The following SETD5 variants were observed in gnomAD, a reference collection of about 807,000 sequenced individuals.
The protein encoded by SETD5 is SET domain containing 5.
In SETD5, 44 loss-of-function variants were observed where a neutral mutation model predicts 153.3. That is an observed-to-expected ratio of 0.29 (90% CI 0.23 to 0.37). The LOEUF (loss-of-function observed/expected upper bound fraction) is 0.37. Among genes scored for constraint, SETD5 ranks in the 10% least tolerant of loss-of-function variants. SETD5 has a pLI of 1.00. For synonymous variants in SETD5, 716 were observed against 645.2 expected, an observed-to-expected ratio of 1.11 and a Z score of -1.66; for missense variants, 1,544 against 1,768.0, an observed-to-expected ratio of 0.87 and a Z score of 2.27.
At chr3:9,431,237 A>G (rs972060668) in intron 3 of SETD5, 6 of 985,464 alleles carry the variant, frequency 6.1e-6, no homozygotes, top group Non-Finnish European at 4.8e-6. Flanking sequence ...CAACTCTACC[A>G]TAACAGAATT....
chr3:9,398,059 C>T (rs555877048), intron 1 of SETD5, 82 bp downstream of exon 1: 7 of 152,298 alleles, frequency 4.6e-5, no homozygotes, highest in African/African-American at 1.7e-4. Context: ...TCTCCCCGCG[C>T]TCGCTCTCCT....
intron 1 of SETD5, among the ~76,000 whole-genome samples, chr3:9,400,900 A>G (rs2034662947): frequency 6.6e-6 from 1 of 152,144 alleles, no homozygotes; most frequent in South Asian, 2.1e-4. Context: ...AAAAACTTGA[A>G]GGAGAACCAC....
intron 18 of SETD5, among the ~76,000 whole-genome samples, chr3:9,468,796 T>TTG (rs141755513): frequency 2.0e-4 from 30 of 150,642 alleles, no homozygotes; most frequent in South Asian, 1.1e-3. Flanking sequence ...GCGTGTGTGT[T>TTG]TGTGTGTGTG....
chr3:9,430,258 T>G (rs1230359783), intron 3 of SETD5: 1 of 984,734 alleles, frequency 1.0e-6, no homozygotes, highest in African/African-American at 1.7e-5. Flanking sequence ...CTTACCTGTT[T>G]ACTGAGTTCC....
intron 1 of SETD5, among the ~76,000 whole-genome samples, chr3:9,404,426 T>C (rs1309222057): frequency 1.3e-5 from 2 of 152,254 alleles, no homozygotes; most frequent in Non-Finnish European, 2.9e-5. Context: ...TAATTAATTA[T>C]TATTGTAATT....
Position 9,448,117 on chromosome 3 carries a change from A to G in SETD5, c.2103+111A>G, listed in dbSNP as rs1474065095. 2.3e-6 allele frequency: 3 copies of G among 1,282,014 alleles called. No individual in the cohort carries two copies. The South Asian group carries it at 4.7e-5, about 20-fold the overall frequency. 79.4% of individuals were successfully genotyped at this position (1,282,014 alleles called of 1,614,324 possible). On this transcript the variant is annotated intron_variant, in intron 15 of 22. Transcript: ENST00000402198. The stretch of plus-strand genomic sequence containing the variant: ...CTAATCTCAATATTACTAGATTGAA[A>G]GTTCTAAAATGCTTTGACACAAAAG...
intron 16 of SETD5, among the ~76,000 whole-genome samples, chr3:9,450,515 T>G (rs2042493861): frequency 6.6e-6 from 1 of 152,242 alleles, no homozygotes; most frequent in African/African-American, 2.4e-5. Flanking sequence ...ATGGAATGTT[T>G]TAGCTAGAAT....
At chr3:9,474,123 A>G (rs969468110) in intron 20 of SETD5, among the ~76,000 whole-genome samples, 15 of 152,236 alleles carry the variant, frequency 9.9e-5, no homozygotes, top group African/African-American at 3.6e-4. Flanking sequence ...TCATTAATCT[A>G]TGAAACCTTT....
At chr3:9,405,998 C>T (rs143515139) in intron 1 of SETD5, among the ~76,000 whole-genome samples, 103 of 152,234 alleles carry the variant, frequency 6.8e-4, no homozygotes, top group African/African-American at 2.4e-3. Flanking sequence ...TCTTGGTATC[C>T]AAGGAAGGTT....
intron 1 of SETD5, among the ~76,000 whole-genome samples, chr3:9,417,057 G>A (rs1448029694): frequency 6.6e-6 from 1 of 152,100 alleles, no homozygotes; most frequent in African/African-American, 2.4e-5. Flanking sequence ...AGGCACAGGA[G>A]TTTGGACTAG....
At chr3:9,466,540 G>C (rs1275457806) in intron 18 of SETD5, among the ~76,000 whole-genome samples, 1 of 151,934 alleles carries the variant, frequency 6.6e-6, no homozygotes, top group East Asian at 1.9e-4. Flanking sequence ...TCCAAGGCAT[G>C]GTTTCACTTG....
At position 9,475,763 on chromosome 3, in the gene SETD5, A is replaced by G. The variant is rs768710187; in HGVS notation, c.4001A>G (p.Asn1334Ser). ...QPHSGNSTGSNLPRRSCPSSA... is the reference protein window; with the variant it reads ...QPHSGNSTGSSLPRRSCPSSA... The stretch of plus-strand genomic sequence containing the variant: ...CATTCTGGAAACAGCACTGGCAGCA[A>G]TCTTCCAAGGAGGAGCTGCCCTTCT... The change falls in exon 23 of 23, where the codon AAT (asparagine) becomes AGT (serine). Residue 1334 changes from asparagine (N) to serine (S), a missense_variant. By Grantham distance (46) the Asn-to-Ser change is conservative (BLOSUM62 1). Coordinates refer to ENST00000402198, the MANE Select transcript of SETD5 (RefSeq NM_001080517.3). The G allele has an allele frequency of 1.5e-5, 25 of 1,613,812 alleles. No homozygotes were observed. In the South Asian group the frequency reaches 1.9e-4, roughly 12 times the overall value.
Position 9,445,965 on chromosome 3 carries a change from G to GTTTTTTTT in SETD5, c.1524+241_1524+248dup, listed in dbSNP as rs376821559. 1.4e-4 allele frequency among the ~76,000 whole-genome samples: 12 copies of GTTTTTTTT among 86,460 alleles called. 1 individual carries two copies. The highest frequency in any genetic ancestry group is 4.7e-4 in the African/African-American group (10 of 21,380). The allele number at this position is 86,460 out of a possible 152,430, so 56.7% of individuals were successfully genotyped here. On this transcript the variant is annotated intron_variant, in intron 13 of 22. Transcript: ENST00000402198. The stretch of plus-strand genomic sequence containing the variant: ...TATCTAGTGATGGTTTGAAGAGGTT[G>GTTTTTTTT]TTTTTTTTTTTTTTTTTTTTTTTAC...
In SETD5 at chr3:9,412,408, T is replaced by G. The variant is rs1031388812; in HGVS notation, c.-176-12059T>G. 1.3e-4 allele frequency among the ~76,000 whole-genome samples: 18 copies of G among 143,688 alleles called. 1 individual carries two copies. The highest frequency in any genetic ancestry group is 4.1e-4 in the African/African-American group (16 of 39,086). 94.3% of individuals were successfully genotyped at this position (143,688 alleles called of 152,430 possible). On this transcript the variant is annotated intron_variant, in intron 1 of 22. Transcript: ENST00000402198. ...TTGGGTTTTTTTTTTTTTTTTTTTT[T>G]TTTTTTTTTAAAGAGACAAGGTCCT...
chr3:9,464,617 C>T lies in SETD5; in HGVS notation c.2669C>T (p.Ser890Leu), dbSNP rs1490187847. Reference sequence around the variant, plus strand: ...CGAAATGGATACAGCCTCATGTTTTCACCAGTCACATCTCTTACTACTGCT... The same window carrying T: ...CGAAATGGATACAGCCTCATGTTTTTACCAGTCACATCTCTTACTACTGCT... Reference protein sequence around the residue: ...ECRNGYSLMFSPVTSLTTASR... With the variant: ...ECRNGYSLMFLPVTSLTTASR... The change falls in exon 18 of 23, where the codon TCA becomes TTA. Residue 890 changes from serine to leucine, a missense_variant. Ser to Leu is a moderately radical substitution (Grantham distance 145, BLOSUM62 -2). Around this residue, in one of 9 missense-constraint regions of SETD5, gnomAD observed 782 missense variants for 787.2 expected, o/e 0.99. Transcript: ENST00000402198. The T allele has an allele frequency of 6.2e-7, 1 of 1,614,018 alleles. No homozygotes were observed. The highest frequency in any genetic ancestry group is 8.5e-7 in the Non-Finnish European group (1 of 1,179,898).
intron 17 of SETD5, among the ~76,000 whole-genome samples, chr3:9,456,681 A>G (rs1014743397): frequency 1.3e-5 from 2 of 152,082 alleles, no homozygotes; most frequent in African/African-American, 2.4e-5. Flanking sequence ...TAATAAATAC[A>G]TTAAAGATTC....
intron 18 of SETD5, chr3:9,464,952 G>A: frequency 2.1e-6 from 1 of 465,424 alleles, no homozygotes; most frequent in Non-Finnish European, 4.0e-6. Flanking sequence ...TAGTAAGCAT[G>A]CTAGATCTCC....
chr3:9,431,307 C>G, intron 3 of SETD5: 1 of 985,388 alleles, frequency 1.0e-6, no homozygotes, highest in Non-Finnish European at 1.2e-6. Flanking sequence ...ACTTAGAACA[C>G]TGTTGATGGA....
intron 3 of SETD5, chr3:9,431,534 A>G (rs2039965702): frequency 1.0e-6 from 1 of 983,266 alleles, no homozygotes; most frequent in African/African-American, 1.7e-5. Context: ...CTAACTGTGT[A>G]TTCAATCAGT....
Sources: gnomAD v4.1 joint callset for allele counts (sites outside exome capture counted in the v4.1 genomes callset) on GRCh38, gnomAD v4.1.1 for gene constraint, gnomAD v4.1.1 regional missense constraint, MANE v1.5 for transcripts, NCBI Gene and HGNC (gene_info 2026-07-23, HGNC 2026-07-21) for gene names.